Variants in EXOC4 observed in about 807,000 individuals in gnomAD.
EXOC4 encodes exocyst complex component 4, also known as SEC8-like 1.
In EXOC4, 71 loss-of-function variants were observed where a neutral mutation model predicts 107.2. That is an observed-to-expected ratio of 0.66 (90% CI 0.55 to 0.81). The LOEUF (loss-of-function observed/expected upper bound fraction) is 0.81. Ranked by LOEUF, EXOC4 falls within the 30% of genes least tolerant of loss-of-function variation. EXOC4 has a pLI of 0.00. For synonymous variants in EXOC4, 456 were observed against 441.2 expected (o/e 1.03, Z -0.42); for missense variants, 1,108 against 1,189.6 (o/e 0.93, Z 1.01).
chr7:133,407,389 T>C (rs1219688875), intron 7 of EXOC4, among the ~76,000 whole-genome samples: 1 of 152,226 alleles, frequency 6.6e-6, no homozygotes, highest in Non-Finnish European at 1.5e-5. Context: ...ATCTCCATTG[T>C]TGTGGTCTCG....
chr7:133,557,190 G>T (rs1412241694), intron 9 of EXOC4, among the ~76,000 whole-genome samples: 2 of 152,048 alleles, frequency 1.3e-5, no homozygotes, highest in African/African-American at 2.4e-5. Flanking sequence ...GACTTTTTCA[G>T]AATGTTGTAG....
intron 10 of EXOC4, among the ~76,000 whole-genome samples, chr7:133,689,343 C>A (rs111776465): frequency 6.7e-4 from 102 of 152,138 alleles, no homozygotes; most frequent in African/African-American, 2.4e-3. Context: ...ATTCATGATA[C>A]CTGTTAAAGA....
At position 133,430,586 on chromosome 7, in the gene EXOC4, C is replaced by T. The variant is rs1038489135; in HGVS notation, c.1183-44742C>T. ...TAATGCTGCTATAAAAATTTGTATGCAAGTCTTTCTGTGAATATTTGTTTA... is the reference window on the plus strand; with the variant it reads ...TAATGCTGCTATAAAAATTTGTATGTAAGTCTTTCTGTGAATATTTGTTTA... On this transcript the variant is annotated intron_variant, in intron 7 of 17. Transcript: ENST00000253861. 2.6e-5 allele frequency among the ~76,000 whole-genome samples: 4 copies of T among 152,060 alleles called. No individual in the cohort carries two copies. The East Asian group carries it at 7.7e-4, about 29-fold the overall frequency.
intron 9 of EXOC4, among the ~76,000 whole-genome samples, chr7:133,483,266 A>T (rs1277481732): frequency 4.6e-5 from 7 of 152,178 alleles, no homozygotes. Flanking sequence ...GAAAGGAACC[A>T]CTTTCAGCTT....
At chr7:133,440,664 A>C (rs1043399475) in intron 7 of EXOC4, among the ~76,000 whole-genome samples, 2 of 152,232 alleles carry the variant, frequency 1.3e-5, no homozygotes, top group Non-Finnish European at 2.9e-5. Flanking sequence ...TAAAACCAAG[A>C]TGGCAATGGG....
chr7:133,497,845 G>A (rs1232116974), intron 9 of EXOC4, among the ~76,000 whole-genome samples: 1 of 152,086 alleles, frequency 6.6e-6, no homozygotes, highest in Non-Finnish European at 1.5e-5. Context: ...ATATCTCCTT[G>A]CCCCTCCAGT....
intron 10 of EXOC4, among the ~76,000 whole-genome samples, chr7:133,734,242 C>G (rs1341118375): frequency 1.3e-5 from 2 of 152,128 alleles, no homozygotes; most frequent in African/African-American, 4.8e-5. Flanking sequence ...CTCAAAAACT[C>G]AAATTATTGA....
At chr7:133,509,474 G>T (rs1799726933) in intron 9 of EXOC4, among the ~76,000 whole-genome samples, 2 of 151,890 alleles carry the variant, frequency 1.3e-5, no homozygotes, top group African/African-American at 4.8e-5. Context: ...TAGGGCTTCT[G>T]ATAAAATTCC....
At chr7:133,858,107 C>T (rs547049804) in intron 11 of EXOC4, among the ~76,000 whole-genome samples, 11 of 152,206 alleles carry the variant, frequency 7.2e-5, no homozygotes, top group South Asian at 4.1e-4. Flanking sequence ...TGTCATCGTC[C>T]GCAGCTCAAG....
chr7:133,750,190 C>T (rs1795767162), intron 10 of EXOC4, among the ~76,000 whole-genome samples: 1 of 151,932 alleles, frequency 6.6e-6, no homozygotes, highest in South Asian at 2.1e-4. Flanking sequence ...ACATCCACTT[C>T]CCATTGTCTC....
At chr7:133,447,183 T>C (rs1798239508) in intron 7 of EXOC4, 1 of 152,234 alleles carries the variant, frequency 6.6e-6, no homozygotes, top group Non-Finnish European at 1.5e-5. Context: ...CAGTATGTTC[T>C]ATAAAATACA....
At chr7:133,703,704 C>T (rs935505637) in intron 10 of EXOC4, among the ~76,000 whole-genome samples, 1 of 152,332 alleles carries the variant, frequency 6.6e-6, no homozygotes, top group Non-Finnish European at 1.5e-5. Flanking sequence ...TGCATTAGAA[C>T]ATCCCAACAC....
At chr7:133,976,494 T>C (rs965509403) in intron 14 of EXOC4, among the ~76,000 whole-genome samples, 1 of 152,124 alleles carries the variant, frequency 6.6e-6, no homozygotes, top group African/African-American at 2.4e-5. Context: ...ATTCCTATTC[T>C]CAAAACAGAG....
At chr7:134,069,770 C>T (rs992005141), downstream of EXOC4, among the ~76,000 whole-genome samples, 6 of 152,188 alleles carry the variant, frequency 3.9e-5, no homozygotes, top group African/African-American at 1.4e-4. Context: ...CCACACCTGG[C>T]CCCTTTACCA....
intron 10 of EXOC4, among the ~76,000 whole-genome samples, chr7:133,705,795 A>T (rs1794756231): frequency 6.6e-6 from 1 of 152,232 alleles, no homozygotes; most frequent in Non-Finnish European, 1.5e-5. Context: ...ATCCTGGATG[A>T]GACAGAGTGG....
chr7:133,971,837 G>A (rs1285332938), intron 14 of EXOC4, among the ~76,000 whole-genome samples: 3 of 152,204 alleles, frequency 2.0e-5, no homozygotes, highest in African/African-American at 7.2e-5. Flanking sequence ...CATCATTAGT[G>A]TTTACTGAGC....
At chr7:133,486,159 TA>T (rs1222940987) in intron 9 of EXOC4, among the ~76,000 whole-genome samples, 1 of 152,166 alleles carries the variant, frequency 6.6e-6, no homozygotes, top group South Asian at 2.1e-4. Context: ...CTGGCATAGG[TA>T]AAAAAGCTCT....
At chr7:133,310,372 T>G (rs1396066838) in intron 4 of EXOC4, among the ~76,000 whole-genome samples, 2 of 152,198 alleles carry the variant, frequency 1.3e-5, no homozygotes, top group African/African-American at 4.8e-5. Flanking sequence ...GAAATGAAGC[T>G]GTAACTTCAA....
chr7:134,074,102 C>T, the EXOC4 span, among the ~76,000 whole-genome samples: 3 of 152,312 alleles, frequency 2.0e-5, no homozygotes, highest in East Asian at 5.8e-4. Flanking sequence ...CGTGGAGCTA[C>T]CGTGCATGCT....
Sources: gnomAD v4.1 joint callset for allele counts (sites outside exome capture counted in the v4.1 genomes callset) on GRCh38, gnomAD v4.1.1 for gene constraint, MANE v1.5 for transcripts, NCBI Gene and HGNC (gene_info 2026-07-23, HGNC 2026-07-21) for gene names.